Variants in EFCAB6 observed in about 807,000 individuals in gnomAD.
The protein encoded by EFCAB6 is EF-hand calcium binding domain 6, also known as EF-hand calcium-binding domain-containing protein 6.
A neutral mutation model predicts 169.8 loss-of-function variants in EFCAB6; 156 were observed. That is an observed-to-expected ratio of 0.92 (90% CI 0.81 to 1.05). The LOEUF (loss-of-function observed/expected upper bound fraction) is 1.05. Among genes scored for constraint, EFCAB6 ranks in the 50% least tolerant of loss-of-function variants. The pLI, the probability that EFCAB6 is intolerant of heterozygous loss-of-function variation, is 0.00. For synonymous variants in EFCAB6, 698 were observed against 676.4 expected (o/e 1.03, Z -0.50); for missense variants, 1,800 against 1,829.1 (o/e 0.98, Z 0.29).
intron 6 of EFCAB6, among the ~76,000 whole-genome samples, chr22:43,737,897 TCA>T (rs1202948643): frequency 6.8e-6 from 1 of 147,178 alleles, no homozygotes; most frequent in Non-Finnish European, 1.5e-5. Context: ...ACACCATCAC[TCA>T]CATATACATA....
intron 24 of EFCAB6, among the ~76,000 whole-genome samples, chr22:43,582,777 T>A (rs1163707335): frequency 1.3e-5 from 2 of 151,966 alleles, no homozygotes; most frequent in Non-Finnish European, 2.9e-5. Context: ...GAAAGTGGAA[T>A]AGAATGCTGG....
At chr22:43,683,125 T>G (rs2058068057) in intron 12 of EFCAB6, among the ~76,000 whole-genome samples, 1 of 152,174 alleles carries the variant, frequency 6.6e-6, no homozygotes, top group Non-Finnish European at 1.5e-5. Flanking sequence ...AAACAGTAAT[T>G]CACCCTGCTC....
intron 26 of EFCAB6, among the ~76,000 whole-genome samples, chr22:43,574,907 T>C (rs759385044): frequency 6.6e-6 from 1 of 152,334 alleles, no homozygotes. Flanking sequence ...GGAACTCTCC[T>C]GTACCACTGG....
chr22:43,754,980 T>A (rs1234092830), intron 6 of EFCAB6, among the ~76,000 whole-genome samples: 2 of 152,210 alleles, frequency 1.3e-5, no homozygotes, highest in Non-Finnish European at 2.9e-5. Flanking sequence ...GAAATTATCA[T>A]ATTGAGATGA....
intron 1 of EFCAB6, among the ~76,000 whole-genome samples, chr22:43,810,422 T>C (rs188796784): frequency 3.7e-4 from 57 of 152,302 alleles, no homozygotes; most frequent in Admixed American, 5.9e-4. Flanking sequence ...AAAATGAAGC[T>C]TTTAATACTG....
At chr22:43,743,354 T>C (rs2060441370) in intron 6 of EFCAB6, among the ~76,000 whole-genome samples, 1 of 152,166 alleles carries the variant, frequency 6.6e-6, no homozygotes, top group Admixed American at 6.5e-5. Flanking sequence ...AATCGCCTCT[T>C]TGCCTCCTTC....
chr22:43,568,668 C>T (rs1471685109), intron 26 of EFCAB6, among the ~76,000 whole-genome samples: 2 of 152,030 alleles, frequency 1.3e-5, no homozygotes, highest in African/African-American at 4.8e-5. Flanking sequence ...GAGCAGTGTC[C>T]CCCGCACCAT....
chr22:43,568,475 C>T (rs2049595791), intron 26 of EFCAB6, among the ~76,000 whole-genome samples: 1 of 152,248 alleles, frequency 6.6e-6, no homozygotes. Flanking sequence ...TCTGGAGGGA[C>T]CAAATGAATG....
At chr22:43,618,922 T>C (rs183674793) in intron 20 of EFCAB6, among the ~76,000 whole-genome samples, 1 of 151,868 alleles carries the variant, frequency 6.6e-6, no homozygotes, top group Non-Finnish European at 1.5e-5. Flanking sequence ...TTTTTTTTTT[T>C]TCTTCTCTCA....
chr22:43,581,090 A>C (rs1271727819), intron 24 of EFCAB6, among the ~76,000 whole-genome samples: 1 of 152,164 alleles, frequency 6.6e-6, no homozygotes, highest in African/African-American at 2.4e-5. Context: ...CAGCGGCTCA[A>C]AGACAGTGTG....
At chr22:43,720,713 G>A (rs1242792525) in intron 8 of EFCAB6, among the ~76,000 whole-genome samples, 3 of 151,954 alleles carry the variant, frequency 2.0e-5, no homozygotes, top group African/African-American at 7.3e-5. Flanking sequence ...GGAAGTTGTG[G>A]TGTAGAAGAG....
At chr22:43,743,608 ATGG>A (rs1362324222) in intron 6 of EFCAB6, among the ~76,000 whole-genome samples, 1 of 152,210 alleles carries the variant, frequency 6.6e-6, no homozygotes, top group African/African-American at 2.4e-5. Flanking sequence ...CGTTCAATAA[ATGG>A]TGGTGAAATG....
At chr22:43,654,740 A>G (rs568837464) in intron 17 of EFCAB6, among the ~76,000 whole-genome samples, 2 of 152,348 alleles carry the variant, frequency 1.3e-5, no homozygotes, top group Non-Finnish European at 2.9e-5. Context: ...GGAAAAGGAC[A>G]TGAAGTGAAG....
At position 43,537,361 on chromosome 22, in the gene EFCAB6, T is replaced by A; in HGVS notation, c.4048+16A>T. On this transcript the variant is annotated intron_variant, in intron 29 of 31. Transcript: ENST00000262726. This position sits in a 1 kb window ranked among gnomAD's most constrained non-coding sequence, Gnocchi z 4.3. ...GGCTGACCACATATTACCAAGCAGA[T>A]AGAATCTGAACGAACCCAGGAAATC... 6.2e-7 allele frequency: 1 copy of A among 1,613,384 alleles called. No homozygotes were observed. The highest frequency in any genetic ancestry group is 2.2e-5 in the East Asian group (1 of 44,858).
At chr22:43,806,730 C>A (rs536259403) in intron 2 of EFCAB6, among the ~76,000 whole-genome samples, 7 of 152,316 alleles carry the variant, frequency 4.6e-5, no homozygotes, top group African/African-American at 1.4e-4. Flanking sequence ...TTCCTTCATT[C>A]TTTTGCACCT....
intron 4 of EFCAB6, 46 bp downstream of exon 4, chr22:43,772,846 G>C: frequency 6.2e-7 from 1 of 1,602,810 alleles, no homozygotes; most frequent in South Asian, 1.1e-5. Context: ...ATCTACCTCA[G>C]CTTGTCTGGA....
chr22:43,668,584 G>A (rs926369873), intron 16 of EFCAB6, among the ~76,000 whole-genome samples: 1 of 152,158 alleles, frequency 6.6e-6, no homozygotes, highest in African/African-American at 2.4e-5. Flanking sequence ...TGGGAGTCAG[G>A]AGTCCCAGAT....
chr22:43,601,037 A>G (rs372000847), intron 22 of EFCAB6, among the ~76,000 whole-genome samples: 47 of 152,372 alleles, frequency 3.1e-4, no homozygotes, highest in East Asian at 2.5e-3. Flanking sequence ...AAATTCTTCA[A>G]AAAGCATATT....
In EFCAB6 at chr22:43,711,571, C is replaced by T. The variant is rs2059161255; in HGVS notation, c.935G>A (p.Cys312Tyr). The T allele has an allele frequency of 6.2e-7, 1 of 1,603,906 alleles. No individual in the cohort carries two copies. The highest frequency in any genetic ancestry group is 8.5e-7 in the Non-Finnish European group (1 of 1,177,738). Residue 312 changes from cysteine to tyrosine, a missense_variant, in exon 10 of 32, where the codon TGT (cysteine) becomes TAT (tyrosine). Coordinates refer to ENST00000262726, the MANE Select transcript of EFCAB6 (RefSeq NM_022785.4). Reference sequence around the variant, plus strand: ...ATTAAAAGACACGTAGCCACCTTTACAGGGGTCCCCTGCACTGAGGGCCTT... The same window carrying T: ...ATTAAAAGACACGTAGCCACCTTTATAGGGGTCCCCTGCACTGAGGGCCTT... ...VEKALSAGDP[C>Y]KGGYVSFNYL...
Sources: gnomAD v4.1 joint callset for allele counts (sites outside exome capture counted in the v4.1 genomes callset) on GRCh38, gnomAD v4.1.1 for gene constraint, Gnocchi (gnomAD v3.1) non-coding constraint, MANE v1.5 for transcripts, NCBI Gene and HGNC (gene_info 2026-07-23, HGNC 2026-07-21) for gene names.